The following SPRN variants were observed in gnomAD, a reference collection of about 807,000 sequenced individuals.
The protein encoded by SPRN is hypothetical protein BC004409.
For synonymous variants in SPRN, 182 were observed against 123.4 expected (o/e 1.48, Z -3.15); for missense variants, 312 against 241.4 (o/e 1.29, Z -1.94).
At position 133,423,365 on chromosome 10, in the gene SPRN, CCGTCCTCCT is replaced by C. The variant is rs925478827; in HGVS notation, c.308_316del (p.Glu103_Asp105del). The C allele has an allele frequency of 7.3e-6, 11 of 1,511,940 alleles. No homozygotes were observed. The African/African-American group carries it at 8.6e-5, about 12-fold the overall frequency. 93.7% of individuals were successfully genotyped at this position (1,511,940 alleles called of 1,614,324 possible). A position where few individuals can be genotyped will look rare whatever the true frequency, so the allele number is the denominator to read the frequency against. ...GCCTGTCCCGTTGCCTCCGGGCACC[CCGTCCTCCT>C]CGTCCTCCAGGCCGCGTTCCCCGGG... On this transcript the variant is annotated inframe_deletion, in exon 2 of 2. Coordinates refer to ENST00000685335, the MANE Select transcript of SPRN (RefSeq NM_001391974.1).
chr10:133,423,656 C>T lies in SPRN; in HGVS notation c.26G>A (p.Trp9Ter). 6.3e-7 allele frequency: 1 copy of T among 1,587,808 alleles called. No individual in the cohort carries two copies. Among genetic ancestry groups the T allele is most frequent in the Non-Finnish European group, 8.6e-7 (1 of 1,168,880 alleles). MNWAPATCWALLLAAAFLC... is the reference protein window; with the variant it reads MNWAPATC ...GAAGGCGGCCGCCAGTAGCAGAGCC[C>T]AGCACGTTGCGGGTGCCCAGTTCAT... The change falls in exon 2 of 2, where the codon TGG (tryptophan) becomes TAG (stop). Residue 9 changes from tryptophan (W) to a stop codon, truncating the protein, a stop_gained. Coordinates refer to ENST00000685335, the MANE Select transcript of SPRN (RefSeq NM_001391974.1). LOFTEE classifies it low-confidence loss of function (END_TRUNC).
Position 133,421,566 on chromosome 10 carries a change from G to C in SPRN, c.*1660C>G, listed in dbSNP as rs1350583424. On this transcript the variant is annotated 3_prime_UTR_variant, in exon 2 of 2. Transcript: ENST00000685335. ...GGCCTGCTGGTCTTGGAGGCGTTGA[G>C]CTTGGTCTGGAAGGGGTGGAGGAGC... is the stretch of plus-strand genomic sequence containing the variant. 1.3e-5 allele frequency: 2 copies of C among 153,438 alleles called. No homozygotes were observed. Among genetic ancestry groups the C allele is most frequent in the Non-Finnish European group, 2.9e-5 (2 of 68,676 alleles). The allele number at this position is 153,438 out of a possible 1,614,324, so 9.5% of individuals were successfully genotyped here. A position where few individuals can be genotyped will look rare whatever the true frequency, so the allele number is the denominator to read the frequency against.
chr10:133,423,644 A>T lies in SPRN; in HGVS notation c.38T>A (p.Leu13Gln), dbSNP rs2492667. The change falls in exon 2 of 2, where the codon CTG (leucine) becomes CAG (glutamine). Residue 13 changes from leucine (L) to glutamine (Q), a missense_variant. Transcript: ENST00000685335. ...GCTGTCGCAGAGGAAGGCGGCCGCCAGTAGCAGAGCCCAGCACGTTGCGGG... is the reference window on the plus strand; with the variant it reads ...GCTGTCGCAGAGGAAGGCGGCCGCCTGTAGCAGAGCCCAGCACGTTGCGGG... The part of the protein sequence containing the change: ...WAPATCWALL[L>Q]AAAFLCDSGA... 8 of 1,583,170 alleles carry T rather than the reference A, an allele frequency of 5.1e-6. No homozygotes were observed. The highest frequency in any genetic ancestry group is 1.1e-5 in the South Asian group (1 of 87,524).
In SPRN at chr10:133,421,817, C is replaced by A. The variant is rs12253520; in HGVS notation, c.*1409G>T. The A allele has an allele frequency of 0.23, 34,189 of 151,588 alleles. 4,095 individuals are homozygous for A. The highest frequency in any genetic ancestry group is 0.33 in the East Asian group (1,645 of 5,018). The allele number at this position is 151,588 out of a possible 1,614,324, so 9.4% of individuals were successfully genotyped here. A position where few individuals can be genotyped will look rare whatever the true frequency, so the allele number is the denominator to read the frequency against. ...CTTGACTTTGGTGTCCACTGAGTCC[C>A]GAGGCTCAGGCCCAGGAGGGATGCA... On this transcript the variant is annotated 3_prime_UTR_variant, in exon 2 of 2. Transcript: ENST00000685335.
chr10:133,423,396 C>G lies in SPRN; in HGVS notation c.286G>C (p.Gly96Arg). ...TCCTCGTCCTCCAGGCCGCGTTCCC[C>G]GGGTCCCGCGGCCCTTCTCCAGCCC... ...GSGWRRAAGP[G>R]ERGLEDEEDG... The change falls in exon 2 of 2, where the codon GGG becomes CGG. Residue 96 changes from glycine (G) to arginine (R), a missense_variant. Coordinates refer to ENST00000685335, the MANE Select transcript of SPRN (RefSeq NM_001391974.1). 6.7e-7 allele frequency: 1 copy of G among 1,490,912 alleles called. No individual in the cohort carries two copies. Among genetic ancestry groups the G allele is most frequent in the East Asian group, 2.8e-5 (1 of 35,552 alleles). 92.4% of individuals were successfully genotyped at this position (1,490,912 alleles called of 1,614,324 possible). A position where few individuals can be genotyped will look rare whatever the true frequency, so the allele number is the denominator to read the frequency against.
Position 133,423,474 on chromosome 10 carries a change from C to A in SPRN, c.208G>T (p.Gly70Trp), listed in dbSNP as rs1431961849. 4 of 1,161,034 alleles carry A rather than the reference C, an allele frequency of 3.4e-6. No homozygotes were observed. The highest frequency in any genetic ancestry group is 4.2e-6 in the Non-Finnish European group (4 of 946,608). The allele number at this position is 1,161,034 out of a possible 1,614,324, so 71.9% of individuals were successfully genotyped here. Residue 70 changes from glycine to tryptophan, a missense_variant, in exon 2 of 2, where the codon GGG becomes TGG. Coordinates refer to ENST00000685335, the MANE Select transcript of SPRN (RefSeq NM_001391974.1). ...PGSSLRVAAA[G>W]AAAGAAAGAA... is the part of the protein sequence containing the mutation. ...CCCGCCGCCGCCCCGGCTGCCGCCCCGGCGGCAGCCACGCGCAGGGAGGAG... is the reference window on the plus strand; with the variant it reads ...CCCGCCGCCGCCCCGGCTGCCGCCCAGGCGGCAGCCACGCGCAGGGAGGAG...
rs968458039 is a variant in SPRN, at chr10:133,422,061, G to A, written c.*1165C>T. 4 of 153,060 alleles carry A rather than the reference G, an allele frequency of 2.6e-5. No individual in the cohort carries two copies. Among genetic ancestry groups the A allele is most frequent in the Non-Finnish European group, 5.8e-5 (4 of 68,394 alleles). 9.5% of individuals were successfully genotyped at this position (153,060 alleles called of 1,614,324 possible). A position where few individuals can be genotyped will look rare whatever the true frequency, so the allele number is the denominator to read the frequency against. ...GCTGGTCTTAACACAGGTGTGTCCA[G>A]TGCTGGAGGCAAGTCCTTGTCGTGA... On this transcript the variant is annotated 3_prime_UTR_variant, in exon 2 of 2. Coordinates refer to ENST00000685335, the MANE Select transcript of SPRN (RefSeq NM_001391974.1).
Position 133,422,832 on chromosome 10 carries a change from T to A in SPRN, c.*394A>T, listed in dbSNP as rs2133526365. ...GCTCAGTGGCAGAACCAGCCTGATG[T>A]CGCCTCCCTGCCCGTGAGTCACCAC... On this transcript the variant is annotated 3_prime_UTR_variant, in exon 2 of 2. Coordinates refer to ENST00000685335, the MANE Select transcript of SPRN (RefSeq NM_001391974.1). The A allele has an allele frequency of 5.7e-6, 1 of 174,650 alleles. No individual in the cohort carries two copies. The highest frequency in any genetic ancestry group is 2.4e-5 in the African/African-American group (1 of 42,440). 10.8% of individuals were successfully genotyped at this position (174,650 alleles called of 1,614,324 possible).
Position 133,423,195 on chromosome 10 carries a change from G to T in SPRN, c.*31C>A. 3 of 1,383,218 alleles carry T rather than the reference G, an allele frequency of 2.2e-6. No individual in the cohort carries two copies. The highest frequency in any genetic ancestry group is 2.8e-6 in the Non-Finnish European group (3 of 1,066,982). 85.7% of individuals were successfully genotyped at this position (1,383,218 alleles called of 1,614,324 possible). The stretch of plus-strand genomic sequence containing the variant: ...ATCCTGGGGGATGGCGCGGGCCGGG[G>T]GCCAGATGTGGTCCCCGAGCCCAGC... On this transcript the variant is annotated 3_prime_UTR_variant, in exon 2 of 2. Transcript: ENST00000685335.
chr10:133,421,463 C>G lies in SPRN; in HGVS notation c.*1763G>C, dbSNP rs1481826070. 1 of 152,822 alleles carries G rather than the reference C, an allele frequency of 6.5e-6. No individual in the cohort carries two copies. Among genetic ancestry groups the G allele is most frequent in the African/African-American group, 2.4e-5 (1 of 41,442 alleles). The allele number at this position is 152,822 out of a possible 1,614,324, so 9.5% of individuals were successfully genotyped here. A position where few individuals can be genotyped will look rare whatever the true frequency, so the allele number is the denominator to read the frequency against. On this transcript the variant is annotated 3_prime_UTR_variant, in exon 2 of 2. Coordinates refer to ENST00000685335, the MANE Select transcript of SPRN (RefSeq NM_001391974.1). ...TGGGTCTCTCTGCTGTGAGGAGACT[C>G]AGACCACCCCCTGCCTCCTGGGGGA... is the stretch of plus-strand genomic sequence containing the variant.
rs1350745886 is a variant in SPRN at position 133,424,330 on chromosome 10, C to T, written c.-17+143G>A. The T allele has an allele frequency of 2.1e-5, 3 of 143,474 alleles. No homozygotes were observed. The Admixed American group carries it at 2.1e-4, about 10-fold the overall frequency. The allele number at this position is 143,474 out of a possible 1,614,324, so 8.9% of individuals were successfully genotyped here. A position where few individuals can be genotyped will look rare whatever the true frequency, so the allele number is the denominator to read the frequency against. The stretch of plus-strand genomic sequence containing the variant: ...GGCGCTCAATGCCGTCCCCGGCCGC[C>T]TAGTTCAGCAGCTGGCTGGGGGCGG... On this transcript the variant is annotated intron_variant, in intron 1 of 1. Coordinates refer to ENST00000685335, the MANE Select transcript of SPRN (RefSeq NM_001391974.1).
chr10:133,423,551 C>A lies in SPRN; in HGVS notation c.131G>T (p.Arg44Leu), dbSNP rs559920556. Residue 44 changes from arginine (R) to leucine (L), a missense_variant, in exon 2 of 2, where the codon CGC becomes CTC. By Grantham distance (102) the Arg-to-Leu change is moderately radical. Coordinates refer to ENST00000685335, the MANE Select transcript of SPRN (RefSeq NM_001391974.1). ...SARGGVRGGARGASRVRVRPA... is the reference protein window; with the variant it reads ...SARGGVRGGALGASRVRVRPA... ...CCTCACGCGCACCCTCGAGGCCCCG[C>A]GCGCACCCCCGCGGACCCCTCCCCG... The A allele has an allele frequency of 7.9e-7, 1 of 1,270,018 alleles. No homozygotes were observed. The highest frequency in any genetic ancestry group is 9.9e-7 in the Non-Finnish European group (1 of 1,009,558). 78.7% of individuals were successfully genotyped at this position (1,270,018 alleles called of 1,614,324 possible).
At position 133,423,550 on chromosome 10, in the gene SPRN, G is replaced by T. The variant is rs184081470; in HGVS notation, c.132C>A (p.Arg44=). ...GCCTCACGCGCACCCTCGAGGCCCC[G>T]CGCGCACCCCCGCGGACCCCTCCCC... ...SARGGVRGGA[R]GASRVRVRPA... Residue 44 remains arginine (R), a synonymous_variant, in exon 2 of 2, where the codon CGC becomes CGA. Coordinates refer to ENST00000685335, the MANE Select transcript of SPRN (RefSeq NM_001391974.1). 1,395 of 1,266,890 alleles carry T rather than the reference G, an allele frequency of 1.1e-3. 37 individuals carry two copies. In the East Asian group the frequency reaches 0.036, roughly 33 times the overall value. 78.5% of individuals were successfully genotyped at this position (1,266,890 alleles called of 1,614,324 possible). A position where few individuals can be genotyped will look rare whatever the true frequency, so the allele number is the denominator to read the frequency against.
At position 133,422,673 on chromosome 10, in the gene SPRN, T is replaced by G. The variant is rs1850272948; in HGVS notation, c.*553A>C. The G allele has an allele frequency of 6.6e-6, 1 of 152,306 alleles. No homozygotes were observed. The highest frequency in any genetic ancestry group is 2.1e-4 in the South Asian group (1 of 4,828). The allele number at this position is 152,306 out of a possible 1,614,324, so 9.4% of individuals were successfully genotyped here. ...GACGGACGGTTTTCCTGCTTGGGAA[T>G]GTTCCTGGGCTGTGAGATCCACTCT... On this transcript the variant is annotated 3_prime_UTR_variant, in exon 2 of 2. Transcript: ENST00000685335.
Position 133,423,163 on chromosome 10 carries a change from C to A in SPRN, c.*63G>T. On this transcript the variant is annotated 3_prime_UTR_variant, in exon 2 of 2. Coordinates refer to ENST00000685335, the MANE Select transcript of SPRN (RefSeq NM_001391974.1). ...GCAAGGGAGGAAGGGGGAGCCCAGG[C>A]CGGAGGATCCTGGGGGATGGCGCGG... The A allele has an allele frequency of 1.5e-6, 2 of 1,350,912 alleles. No homozygotes were observed. Among genetic ancestry groups the A allele is most frequent in the East Asian group, 3.0e-5 (1 of 33,682 alleles). The allele number at this position is 1,350,912 out of a possible 1,614,324, so 83.7% of individuals were successfully genotyped here. A position where few individuals can be genotyped will look rare whatever the true frequency, so the allele number is the denominator to read the frequency against.
intron 1 of SPRN, 59 bp from the exon 2 acceptor site, chr10:133,423,756 G>A (rs1208227214): frequency 1.6e-6 from 2 of 1,250,966 alleles, no homozygotes; most frequent in Admixed American, 2.4e-5. Context: ...CCCAGGGGCG[G>A]AGGGCTCAAG....
chr10:133,422,927 G>T lies in SPRN; in HGVS notation c.*299C>A. Reference sequence around the variant, plus strand: ...GCCTTGGCACCTCCCTTTGGGCGGCGATGGAGCGTGGCTGGGCGGTTGGTA... The same window carrying T: ...GCCTTGGCACCTCCCTTTGGGCGGCTATGGAGCGTGGCTGGGCGGTTGGTA... On this transcript the variant is annotated 3_prime_UTR_variant, in exon 2 of 2. Coordinates refer to ENST00000685335, the MANE Select transcript of SPRN (RefSeq NM_001391974.1). 3.3e-6 allele frequency: 1 copy of T among 299,890 alleles called. No individual in the cohort carries two copies. The highest frequency in any genetic ancestry group is 6.2e-6 in the Non-Finnish European group (1 of 162,336). 18.6% of individuals were successfully genotyped at this position (299,890 alleles called of 1,614,324 possible). A position where few individuals can be genotyped will look rare whatever the true frequency, so the allele number is the denominator to read the frequency against.
rs1237852487 is a variant in SPRN at position 133,423,384 on chromosome 10, G to C, written c.298C>G (p.Leu100Val). The change falls in exon 2 of 2, where the codon CTG (leucine) becomes GTG (valine). Residue 100 changes from leucine to valine, a missense_variant. By Grantham distance (32) the Leu-to-Val change is conservative (BLOSUM62 1). Transcript: ENST00000685335. ...GGCACCCCGTCCTCCTCGTCCTCCA[G>C]GCCGCGTTCCCCGGGTCCCGCGGCC... ...RRAAGPGERGLEDEEDGVPGG... is the reference protein window; with the variant it reads ...RRAAGPGERGVEDEEDGVPGG... 2 of 1,499,042 alleles carry C rather than the reference G, an allele frequency of 1.3e-6. No individual in the cohort carries two copies. The highest frequency in any genetic ancestry group is 4.2e-5 in the Admixed American group (2 of 47,590). The allele number at this position is 1,499,042 out of a possible 1,614,324, so 92.9% of individuals were successfully genotyped here.
chr10:133,423,137 G>C lies in SPRN; in HGVS notation c.*89C>G. On this transcript the variant is annotated 3_prime_UTR_variant, in exon 2 of 2. Coordinates refer to ENST00000685335, the MANE Select transcript of SPRN (RefSeq NM_001391974.1). ...CACCCAGTGGGGCTCCAAGACCGTG[G>C]GCAAGGGAGGAAGGGGGAGCCCAGG... The C allele has an allele frequency of 2.3e-6, 3 of 1,279,076 alleles. No individual in the cohort carries two copies. The South Asian group carries it at 5.0e-5, about 21-fold the overall frequency. The allele number at this position is 1,279,076 out of a possible 1,614,324, so 79.2% of individuals were successfully genotyped here.
Sources: gnomAD v4.1 joint callset for allele counts on GRCh38, gnomAD v4.1.1 for gene constraint, MANE v1.5 for transcripts, NCBI Gene and HGNC (gene_info 2026-07-23, HGNC 2026-07-21) for gene names.